DPYD: variants seen among roughly 807,000 people sequenced by gnomAD.
DPYD encodes dihydropyrimidine dehydrogenase [NADP(+)].
A neutral mutation model predicts 116.2 loss-of-function variants in DPYD; 109 were observed. The observed-to-expected ratio is 0.94, with a 90% CI of 0.80 to 1.10. The LOEUF is 1.10. Ranked by LOEUF, DPYD falls within the 50% of genes least tolerant of loss-of-function variation. The pLI, the probability that DPYD is intolerant of heterozygous loss-of-function variation, is 0.00. For synonymous variants in DPYD, 440 were observed against 432.0 expected (o/e 1.02, Z -0.23); for missense variants, 1,302 against 1,254.5 (o/e 1.04, Z -0.57).
chr1:97,146,111 C>T (rs1414475776), intron 20 of DPYD, among the ~76,000 whole-genome samples: 1 of 152,022 alleles, frequency 6.6e-6, no homozygotes, highest in Non-Finnish European at 1.5e-5. Context: ...TTTATTTTTG[C>T]TTTTTTGTCT....
intron 13 of DPYD, among the ~76,000 whole-genome samples, chr1:97,510,239 C>A (rs1647680063): frequency 6.6e-6 from 1 of 151,842 alleles, no homozygotes; most frequent in South Asian, 2.1e-4. Flanking sequence ...CATAAATGGA[C>A]CCTGATTCTC....
intron 3 of DPYD, among the ~76,000 whole-genome samples, chr1:97,807,974 C>A (rs773230542): frequency 2.0e-5 from 3 of 152,030 alleles, no homozygotes; most frequent in Non-Finnish European, 4.4e-5. Flanking sequence ...GCTCATTGAT[C>A]GTGTCTATCC....
intron 4 of DPYD, 88 bp from the exon 5 acceptor site, chr1:97,721,759 G>T: frequency 7.9e-7 from 1 of 1,269,924 alleles, no homozygotes; most frequent in South Asian, 1.3e-5. Context: ...CTTCTACTAG[G>T]TAATCAGATT....
At chr1:97,623,332 T>C (rs933039409) in intron 8 of DPYD, among the ~76,000 whole-genome samples, 3 of 152,208 alleles carry the variant, frequency 2.0e-5, no homozygotes, top group African/African-American at 7.2e-5. Context: ...ACACATAATC[T>C]TACTCATAAA....
chr1:97,421,752 G>C (rs1197776393), intron 14 of DPYD, among the ~76,000 whole-genome samples: 1 of 152,136 alleles, frequency 6.6e-6, no homozygotes, highest in Non-Finnish European at 1.5e-5. Flanking sequence ...ACCATTCAAA[G>C]AGTAAAGCAA....
In DPYD at chr1:97,473,548, C is replaced by T. The variant is rs151238446; in HGVS notation, c.1741-23325G>A. Among the ~76,000 whole-genome samples, 534 of 152,182 alleles carry T rather than the reference C, an allele frequency of 3.5e-3. 1 individual carries two copies. The highest frequency in any genetic ancestry group is 0.011 in the African/African-American group (469 of 41,522). The stretch of plus-strand genomic sequence containing the variant: ...TATATGAAGAGGTGCTCAATAGTTC[C>T]AATCACCAGGGGAATGCAATCAAAG... On this transcript the variant is annotated intron_variant, in intron 13 of 22. Coordinates refer to ENST00000370192, the MANE Select transcript of DPYD (RefSeq NM_000110.4).
At chr1:97,570,905 T>C (rs1402962514) in intron 11 of DPYD, among the ~76,000 whole-genome samples, 3 of 151,918 alleles carry the variant, frequency 2.0e-5, no homozygotes, top group African/African-American at 7.2e-5. Flanking sequence ...ACTCAGTAAA[T>C]GTTTGTCACA....
At chr1:97,564,435 C>G (rs1043550879) in intron 11 of DPYD, among the ~76,000 whole-genome samples, 4 of 152,134 alleles carry the variant, frequency 2.6e-5, no homozygotes, top group Non-Finnish European at 5.9e-5. Flanking sequence ...GCTACAACAC[C>G]TTTCATTAAT....
intron 3 of DPYD, among the ~76,000 whole-genome samples, chr1:97,808,603 T>C (rs1388764054): frequency 6.6e-6 from 1 of 152,126 alleles, no homozygotes; most frequent in Non-Finnish European, 1.5e-5. Flanking sequence ...TCCCAAACTG[T>C]ACACCTTTAT....
intron 14 of DPYD, among the ~76,000 whole-genome samples, chr1:97,433,593 A>G (rs962896961): frequency 6.6e-6 from 1 of 152,120 alleles, no homozygotes; most frequent in African/African-American, 2.4e-5. Context: ...TAGGAGTAAT[A>G]ATCTCTTATA....
Position 97,357,166 on chromosome 1 carries a change from G to T in DPYD, c.2058+16395C>A, listed in dbSNP as rs1437763378. On this transcript the variant is annotated intron_variant, in intron 16 of 22. Coordinates refer to ENST00000370192, the MANE Select transcript of DPYD (RefSeq NM_000110.4). ...TAATCCATGAACACAAGATATATTTGTTTTTGTATCTTTTTCAATTGCTTT... is the reference window on the plus strand; with the variant it reads ...TAATCCATGAACACAAGATATATTTTTTTTTGTATCTTTTTCAATTGCTTT... 2.0e-5 allele frequency among the ~76,000 whole-genome samples: 3 copies of T among 152,114 alleles called. No individual in the cohort carries two copies. In the East Asian group the frequency reaches 5.8e-4, roughly 29 times the overall value.
chr1:97,733,198 C>T (rs981832119), intron 4 of DPYD, among the ~76,000 whole-genome samples: 27 of 152,010 alleles, frequency 1.8e-4, no homozygotes, highest in Admixed American at 9.2e-4. Flanking sequence ...CCTTATACCA[C>T]AATGAAAACT....
At chr1:97,546,811 C>T (rs1453308502) in intron 12 of DPYD, 3 of 1,612,784 alleles carry the variant, frequency 1.9e-6, no homozygotes, top group Non-Finnish European at 2.5e-6. Context: ...TCAGATTAAA[C>T]CATTGAAGTT....
At position 97,474,016 on chromosome 1, in the gene DPYD, TA is replaced by T. The variant is rs35210810; in HGVS notation, c.1741-23794del. Among the ~76,000 whole-genome samples, 1,157 of 132,008 alleles carry T rather than the reference TA, an allele frequency of 8.8e-3. 9 individuals are homozygous for T. Among genetic ancestry groups the T allele is most frequent in the African/African-American group, 0.027 (931 of 35,056 alleles). 86.6% of individuals were successfully genotyped at this position (132,008 alleles called of 152,430 possible). A position where few individuals can be genotyped will look rare whatever the true frequency, so the allele number is the denominator to read the frequency against. ...GGGCAACAGAGTGAGAAACTGTCTT[TA>T]AAAAAAAAAAAAAAAGGAAAGAAAA... On this transcript the variant is annotated intron_variant, in intron 13 of 22. Coordinates refer to ENST00000370192, the MANE Select transcript of DPYD (RefSeq NM_000110.4).
chr1:97,636,213 T>C lies in DPYD; in HGVS notation c.851-41047A>G, dbSNP rs146796614. On this transcript the variant is annotated intron_variant, in intron 8 of 22. Transcript: ENST00000370192. ...TCATTCCCATCTCTCACTCCAAGCA[T>C]ATAGTAGTTACTAAGTCAATCATCC... 3.0e-3 allele frequency among the ~76,000 whole-genome samples: 460 copies of C among 152,202 alleles called. 2 individuals carry two copies. Among genetic ancestry groups the C allele is most frequent in the African/African-American group, 0.011 (441 of 41,540 alleles).
At chr1:97,663,409 C>T (rs894927343) in intron 8 of DPYD, among the ~76,000 whole-genome samples, 4 of 152,196 alleles carry the variant, frequency 2.6e-5, no homozygotes, top group African/African-American at 9.7e-5. Flanking sequence ...CTTCTGACTC[C>T]TGTCCTTCAC....
At chr1:97,096,945 G>C (rs1557860495) in intron 21 of DPYD, among the ~76,000 whole-genome samples, 1 of 152,104 alleles carries the variant, frequency 6.6e-6, no homozygotes, top group Non-Finnish European at 1.5e-5. Flanking sequence ...CATTCTCGAA[G>C]TCAGCGAGAC....
chr1:97,239,612 T>A (rs557363347), intron 18 of DPYD, among the ~76,000 whole-genome samples: 1 of 152,204 alleles, frequency 6.6e-6, no homozygotes, highest in East Asian at 1.9e-4. Context: ...CAGTATTCCA[T>A]TAGAAACAAT....
intron 20 of DPYD, among the ~76,000 whole-genome samples, chr1:97,174,252 G>A (rs1485009451): frequency 4.6e-5 from 7 of 152,106 alleles, no homozygotes; most frequent in African/African-American, 1.2e-4. Flanking sequence ...TTTTGTTAAC[G>A]GAGGCTGCAG....
Sources: gnomAD v4.1 joint callset for allele counts (sites outside exome capture counted in the v4.1 genomes callset) on GRCh38, gnomAD v4.1.1 for gene constraint, MANE v1.5 for transcripts, NCBI Gene and HGNC (gene_info 2026-07-23, HGNC 2026-07-21) for gene names.